The following PXDNL variants were observed in gnomAD, a reference collection of about 807,000 sequenced individuals.
PXDNL encodes peroxidasin like.
In PXDNL, 145 loss-of-function variants were observed where a neutral mutation model predicts 150.8. The ratio of observed to expected loss-of-function variants is 0.96; its 90% CI spans 0.84 to 1.10. PXDNL has a LOEUF of 1.10. Ranked by LOEUF, PXDNL falls within the 50% of genes least tolerant of loss-of-function variation. The probability of loss-of-function intolerance (pLI) is 0.00; values close to 1 mark genes in which losing one functional copy is unlikely to be tolerated. For missense variants in PXDNL, 2,087 were observed against 1,873.9 expected (o/e 1.11, Z -2.10); for synonymous variants, 757 against 725.7 (o/e 1.04, Z -0.69).
intron 1 of PXDNL, among the ~76,000 whole-genome samples, chr8:51,782,524 T>G (rs1181208067): frequency 6.6e-6 from 1 of 152,248 alleles, no homozygotes; most frequent in Non-Finnish European, 1.5e-5. Flanking sequence ...TTCTGCCTAA[T>G]TATTGCTACA....
At chr8:51,779,448 A>C (rs2037388931) in intron 1 of PXDNL, among the ~76,000 whole-genome samples, 1 of 152,244 alleles carries the variant, frequency 6.6e-6, no homozygotes, top group Non-Finnish European at 1.5e-5. Flanking sequence ...TGAGGAAAGG[A>C]ATCAAAACAG....
In PXDNL at chr8:51,519,264, G is replaced by A. The variant is rs925018596; in HGVS notation, c.381-19494C>T. Among the ~76,000 whole-genome samples, 7 of 152,074 alleles carry A rather than the reference G, an allele frequency of 4.6e-5. No homozygotes were observed. The East Asian group carries it at 5.8e-4, about 13-fold the overall frequency. ...GATCAAGAATTTCCTGAAGAAGGCC[G>A]GGTGCGGTGGCTCACCCCTGTAATC... On this transcript the variant is annotated intron_variant, in intron 4 of 22. Coordinates refer to ENST00000356297, the MANE Select transcript of PXDNL (RefSeq NM_144651.5).
intron 4 of PXDNL, among the ~76,000 whole-genome samples, chr8:51,554,273 G>T (rs887292647): frequency 6.6e-6 from 1 of 152,168 alleles, no homozygotes; most frequent in Non-Finnish European, 1.5e-5. Flanking sequence ...TTAAGGTGGT[G>T]CAGGGTAGTG....
chr8:51,373,664 G>T lies in PXDNL; in HGVS notation c.3692+933C>A, dbSNP rs140060761. On this transcript the variant is annotated intron_variant, in intron 18 of 22. Coordinates refer to ENST00000356297, the MANE Select transcript of PXDNL (RefSeq NM_144651.5). ...GTAAAGGGAAGGGATTTAAAGTAAA[G>T]AATAATTTTTATTGTAACTTTAATT... Among the ~76,000 whole-genome samples the T allele has an allele frequency of 3.3e-5, 5 of 152,254 alleles. No homozygotes were observed. The East Asian group carries it at 7.7e-4, about 23-fold the overall frequency.
At chr8:51,397,366 T>C (rs1808112245) in intron 17 of PXDNL, among the ~76,000 whole-genome samples, 1 of 152,212 alleles carries the variant, frequency 6.6e-6, no homozygotes, top group African/African-American at 2.4e-5. Context: ...AAAATGCAAA[T>C]TGTTTACATA....
At chr8:51,566,883 A>T (rs1194207216) in intron 3 of PXDNL, among the ~76,000 whole-genome samples, 1 of 151,048 alleles carries the variant, frequency 6.6e-6, no homozygotes, top group African/African-American at 2.4e-5. Context: ...AGTCTAGATT[A>T]TTGATTTTAT....
At position 51,796,586 on chromosome 8, in the gene PXDNL, A is replaced by C. The variant is rs115753269; in HGVS notation, c.164+12595T>G. On this transcript the variant is annotated intron_variant, in intron 1 of 22. Coordinates refer to ENST00000356297, the MANE Select transcript of PXDNL (RefSeq NM_144651.5). Reference sequence around the variant, plus strand: ...CTAGAAAATCTAGAAAAAATGGTTAAATTCCTAGACACATACACCCTTTCA... The same window carrying C: ...CTAGAAAATCTAGAAAAAATGGTTACATTCCTAGACACATACACCCTTTCA... Among the ~76,000 whole-genome samples, 745 of 152,314 alleles carry C rather than the reference A, an allele frequency of 4.9e-3. 6 individuals are homozygous for C. Among genetic ancestry groups the C allele is most frequent in the African/African-American group, 0.017 (715 of 41,594 alleles).
intron 21 of PXDNL, among the ~76,000 whole-genome samples, chr8:51,333,457 G>C (rs901005243): frequency 2.0e-5 from 3 of 152,072 alleles, no homozygotes; most frequent in African/African-American, 7.2e-5. Flanking sequence ...AAAGTATGCA[G>C]GCAACAAAGA....
intron 17 of PXDNL, among the ~76,000 whole-genome samples, chr8:51,391,708 A>C (rs1807915947): frequency 6.6e-6 from 1 of 152,030 alleles, no homozygotes; most frequent in Admixed American, 6.6e-5. Context: ...CTCTGATGGT[A>C]GTTTCTTTTG....
chr8:51,763,545 C>A (rs2037191222), intron 1 of PXDNL, among the ~76,000 whole-genome samples: 2 of 152,048 alleles, frequency 1.3e-5, no homozygotes, highest in South Asian at 4.2e-4. Context: ...ACATATAGCA[C>A]CCTAAGTCAA....
intron 14 of PXDNL, among the ~76,000 whole-genome samples, chr8:51,414,837 G>A (rs1014454340): frequency 6.6e-6 from 1 of 152,124 alleles, no homozygotes; most frequent in Non-Finnish European, 1.5e-5. Flanking sequence ...AAAGAGGAAA[G>A]CTCAAAAGTT....
intron 21 of PXDNL, among the ~76,000 whole-genome samples, chr8:51,325,876 G>A (rs1805468792): frequency 6.6e-6 from 1 of 152,142 alleles, no homozygotes; most frequent in South Asian, 2.1e-4. Context: ...GGAGGTGGGG[G>A]CCACAGTTTC....
intron 4 of PXDNL, among the ~76,000 whole-genome samples, chr8:51,528,290 AACTG>A (rs76736087): frequency 0.51 from 76,790 of 151,652 alleles, 22,233 homozygotes; most frequent in Non-Finnish European, 0.65. Flanking sequence ...ATATAACAAA[AACTG>A]AAGACAAAAA....
At chr8:51,599,662 T>C (rs1440301524) in intron 2 of PXDNL, among the ~76,000 whole-genome samples, 3 of 146,796 alleles carry the variant, frequency 2.0e-5, no homozygotes, top group African/African-American at 7.4e-5. Context: ...ATAAATTATA[T>C]CTTATATAAA....
At chr8:51,683,226 C>A (rs1409802099) in intron 1 of PXDNL, among the ~76,000 whole-genome samples, 1 of 115,724 alleles carries the variant, frequency 8.6e-6, no homozygotes, top group Non-Finnish European at 1.7e-5. Context: ...ACATCAAAGC[C>A]ACAGTGAGGT....
intron 19 of PXDNL, among the ~76,000 whole-genome samples, chr8:51,365,997 A>G (rs555531696): frequency 6.6e-6 from 1 of 152,332 alleles, no homozygotes; most frequent in African/African-American, 2.4e-5. Context: ...GTAGATTCCA[A>G]CAAAAGAAGG....
At chr8:51,526,877 A>C (rs1213630752) in intron 4 of PXDNL, among the ~76,000 whole-genome samples, 2 of 152,060 alleles carry the variant, frequency 1.3e-5, no homozygotes, top group Non-Finnish European at 2.9e-5. Flanking sequence ...TCCGGCAGGC[A>C]CTTTCACATT....
intron 4 of PXDNL, among the ~76,000 whole-genome samples, chr8:51,501,361 C>T (rs549437795): frequency 3.3e-5 from 5 of 152,038 alleles, no homozygotes; most frequent in Non-Finnish European, 5.9e-5. Context: ...CACATTGTCT[C>T]ACACTGACAC....
intron 1 of PXDNL, among the ~76,000 whole-genome samples, chr8:51,727,318 T>C (rs1816833953): frequency 6.6e-6 from 1 of 152,136 alleles, no homozygotes; most frequent in East Asian, 1.9e-4. Flanking sequence ...CAAATCAAAG[T>C]AAAAGCACAT....
Sources: gnomAD v4.1 joint callset for allele counts (sites outside exome capture counted in the v4.1 genomes callset) on GRCh38, gnomAD v4.1.1 for gene constraint, MANE v1.5 for transcripts, NCBI Gene and HGNC (gene_info 2026-07-23, HGNC 2026-07-21) for gene names.